Variants in PLXDC2 observed in about 807,000 individuals in gnomAD.
The protein encoded by PLXDC2 is plexin domain containing 2, also known as plexin domain-containing protein 2.
A neutral mutation model predicts 68.9 loss-of-function variants in PLXDC2; 40 were observed. That is an observed-to-expected ratio of 0.58 (90% CI 0.45 to 0.76). PLXDC2 has a LOEUF of 0.76. Ranked by LOEUF, PLXDC2 falls within the 30% of genes least tolerant of loss-of-function variation. The probability of loss-of-function intolerance (pLI) is 0.00; values close to 1 mark genes in which losing one functional copy is unlikely to be tolerated. For synonymous variants in PLXDC2, 243 were observed against 234.2 expected, an observed-to-expected ratio of 1.04 and a Z score of -0.34; for missense variants, 644 against 661.9, an observed-to-expected ratio of 0.97 and a Z score of 0.30.
chr10:19,942,850 C>G (rs971786425), intron 1 of PLXDC2, among the ~76,000 whole-genome samples: 1 of 152,130 alleles, frequency 6.6e-6, no homozygotes, highest in African/African-American at 2.4e-5. Flanking sequence ...GTCAAATCTA[C>G]TTTCTGGTGT....
At chr10:19,941,694 C>G (rs1833820571) in intron 1 of PLXDC2, among the ~76,000 whole-genome samples, 1 of 152,134 alleles carries the variant, frequency 6.6e-6, no homozygotes, top group African/African-American at 2.4e-5. Flanking sequence ...CCTTTTGTGA[C>G]TACTGAAAGT....
intron 1 of PLXDC2, among the ~76,000 whole-genome samples, chr10:19,844,298 A>G (rs922907422): frequency 7.9e-5 from 12 of 152,172 alleles, no homozygotes; most frequent in African/African-American, 2.9e-4. Flanking sequence ...TTTTGAACGA[A>G]TGGTTCCTAT....
intron 4 of PLXDC2, among the ~76,000 whole-genome samples, chr10:20,082,051 A>C (rs906096652): frequency 4.2e-5 from 6 of 142,054 alleles, no homozygotes; most frequent in Non-Finnish European, 6.1e-5. Context: ...ATCTGAAAAA[A>C]AAAAAAAAAA....
At chr10:19,833,817 G>T (rs774382481) in intron 1 of PLXDC2, among the ~76,000 whole-genome samples, 3 of 152,128 alleles carry the variant, frequency 2.0e-5, no homozygotes, top group Non-Finnish European at 4.4e-5. Context: ...AGCAATCTAT[G>T]TGTAAGAAAA....
chr10:20,234,019 A>G (rs1023344445), intron 12 of PLXDC2, among the ~76,000 whole-genome samples: 5 of 149,476 alleles, frequency 3.3e-5, no homozygotes, highest in Non-Finnish European at 7.4e-5. Context: ...TAGAGATGCT[A>G]TCTCACTATG....
At chr10:20,193,024 A>G (rs908493435) in intron 9 of PLXDC2, among the ~76,000 whole-genome samples, 5 of 152,010 alleles carry the variant, frequency 3.3e-5, no homozygotes, top group African/African-American at 1.2e-4. Flanking sequence ...CAAAAATATA[A>G]TGGTTTGCCC....
chr10:19,851,343 G>T (rs932053924), intron 1 of PLXDC2, among the ~76,000 whole-genome samples: 2 of 152,044 alleles, frequency 1.3e-5, no homozygotes, highest in Admixed American at 6.6e-5. Flanking sequence ...TGTTGTTGTT[G>T]TTTTTTAAGC....
chr10:20,144,180 GT>G (rs1460854124), intron 5 of PLXDC2, among the ~76,000 whole-genome samples: 1 of 152,086 alleles, frequency 6.6e-6, no homozygotes, highest in Non-Finnish European at 1.5e-5. Flanking sequence ...AGAATTTTCT[GT>G]GTATTTATCA....
At chr10:20,129,811 A>G (rs1833843725) in intron 4 of PLXDC2, among the ~76,000 whole-genome samples, 2 of 152,066 alleles carry the variant, frequency 1.3e-5, no homozygotes, top group Non-Finnish European at 2.9e-5. Context: ...GTTGAAAATC[A>G]ATGACCATAA....
intron 3 of PLXDC2, among the ~76,000 whole-genome samples, chr10:20,056,349 T>C (rs1047996450): frequency 1.3e-5 from 2 of 152,186 alleles, no homozygotes; most frequent in South Asian, 4.1e-4. Context: ...TGTATTTCTC[T>C]GCATGCCTGG....
Position 20,210,135 on chromosome 10 carries a change from G to A in PLXDC2, c.1062-1534G>A, listed in dbSNP as rs573885013. ...CCCCCCTTCTCCAAGACCTTTAGTGGATGCCTGAAATCAAGGATAATACCA... is the reference window on the plus strand; with the variant it reads ...CCCCCCTTCTCCAAGACCTTTAGTGAATGCCTGAAATCAAGGATAATACCA... On this transcript the variant is annotated intron_variant, in intron 9 of 13. Transcript: ENST00000377252. Among the ~76,000 whole-genome samples the A allele has an allele frequency of 2.6e-5, 4 of 152,128 alleles. No individual in the cohort carries two copies. The South Asian group carries it at 6.2e-4, about 24-fold the overall frequency.
intron 1 of PLXDC2, among the ~76,000 whole-genome samples, chr10:19,984,142 A>G (rs893429009): frequency 6.6e-6 from 1 of 152,230 alleles, no homozygotes; most frequent in Non-Finnish European, 1.5e-5. Flanking sequence ...TTCAAGTTCC[A>G]GAAAGAATTC....
At chr10:20,021,285 A>G (rs1301577758) in intron 2 of PLXDC2, among the ~76,000 whole-genome samples, 1 of 151,886 alleles carries the variant, frequency 6.6e-6, no homozygotes, top group Non-Finnish European at 1.5e-5. Flanking sequence ...ATTTTAAGTT[A>G]TGGGATACAT....
Position 20,283,786 on chromosome 10 carries a change from C to G in PLXDC2, c.*3967C>G, listed in dbSNP as rs907393872. The G allele has an allele frequency of 6.6e-6, 1 of 152,116 alleles. No individual in the cohort carries two copies. Among genetic ancestry groups the G allele is most frequent in the Non-Finnish European group, 1.5e-5 (1 of 68,014 alleles). The allele number at this position is 152,116 out of a possible 1,614,324, so 9.4% of individuals were successfully genotyped here. ...GCACTATCTCAAACATAAATAATTT[C>G]ATATTTATTTTATCACTGTAACACT... On this transcript the variant is annotated 3_prime_UTR_variant, in exon 14 of 14. Coordinates refer to ENST00000377252, the MANE Select transcript of PLXDC2 (RefSeq NM_032812.9).
intron 1 of PLXDC2, 33 bp downstream of exon 1, chr10:19,817,224 G>T (rs746701131): frequency 6.6e-7 from 1 of 1,521,524 alleles, no homozygotes; most frequent in East Asian, 2.5e-5. Flanking sequence ...TGCTGATTTT[G>T]TGCGCAGCTG....
chr10:20,148,397 T>G (rs1255512207), intron 6 of PLXDC2, among the ~76,000 whole-genome samples: 1 of 152,190 alleles, frequency 6.6e-6, no homozygotes, highest in Non-Finnish European at 1.5e-5. Context: ...GTGCTTTGGC[T>G]AATGTTTGTT....
intron 12 of PLXDC2, among the ~76,000 whole-genome samples, chr10:20,223,794 G>C (rs756623736): frequency 6.6e-6 from 1 of 151,916 alleles, no homozygotes; most frequent in Non-Finnish European, 1.5e-5. Context: ...AAATCACAAC[G>C]CATTAATTCT....
rs1316499643 is a variant in PLXDC2 at position 19,827,604 on chromosome 10, A to C, written c.112+10413A>C. Among the ~76,000 whole-genome samples the C allele has an allele frequency of 4.6e-5, 7 of 150,678 alleles. No homozygotes were observed. The East Asian group carries it at 1.4e-3, about 30-fold the overall frequency. On this transcript the variant is annotated intron_variant, in intron 1 of 13. Transcript: ENST00000377252. ...AAGACAGAGTCTCACTTTGTTGCCC[A>C]GGCTGGAGTGCAGTGGCACGATCTT...
chr10:20,193,563 T>C (rs1834796787), intron 9 of PLXDC2, among the ~76,000 whole-genome samples: 1 of 152,016 alleles, frequency 6.6e-6, no homozygotes, highest in Non-Finnish European at 1.5e-5. Flanking sequence ...AGAGAGAACA[T>C]GAAGATTCAA....
Sources: allele counts gnomAD v4.1 joint callset (sites outside exome capture counted in the v4.1 genomes callset), GRCh38; gene constraint gnomAD v4.1.1; transcripts MANE v1.5; gene names NCBI Gene and HGNC (gene_info 2026-07-23, HGNC 2026-07-21).